Variants in LY96 observed in about 807,000 individuals in gnomAD.
LY96 encodes the protein myeloid differentiation protein-2.
A neutral mutation model predicts 18.9 loss-of-function variants in LY96; 18 were observed. That is an observed-to-expected ratio of 0.95 (90% CI 0.66 to 1.41). The LOEUF (loss-of-function observed/expected upper bound fraction) is 1.41. LY96 is among the 40% of genes most tolerant of loss of function. LY96 has a pLI of 0.00. For missense variants in LY96, 175 were observed against 182.4 expected, an observed-to-expected ratio of 0.96 and a Z score of 0.23; for synonymous variants, 66 against 62.6, an observed-to-expected ratio of 1.06 and a Z score of -0.26.
chr8:74,080,978 T>TTCTCTC, the LY96 span, among the ~76,000 whole-genome samples: 1 of 141,224 alleles, frequency 7.1e-6, no homozygotes, highest in Non-Finnish European at 1.5e-5. Context: ...CTTTCTTTCT[T>TTCTCTC]TCTCTCTCTT....
At chr8:74,037,696 T>C in the LY96 span, among the ~76,000 whole-genome samples, 1 of 152,182 alleles carries the variant, frequency 6.6e-6, no homozygotes, top group African/African-American at 2.4e-5. Flanking sequence ...GCAGATACTG[T>C]GGAGTCATTC....
intron 1 of LY96, among the ~76,000 whole-genome samples, chr8:73,999,161 G>A (rs1038021723): frequency 6.6e-6 from 1 of 151,864 alleles, no homozygotes; most frequent in African/African-American, 2.4e-5. Context: ...GTAGAGATAG[G>A]GTTTCACCAT....
intron 3 of LY96, 47 bp downstream of exon 3, chr8:74,010,176 A>C (rs1417958438): frequency 1.8e-5 from 27 of 1,535,042 alleles, no homozygotes; most frequent in Non-Finnish European, 2.4e-5. Flanking sequence ...ATAATTCTTT[A>C]TGAAAATGTT....
At chr8:74,020,834 T>A (rs1023510647) in intron 3 of LY96, among the ~76,000 whole-genome samples, 10 of 152,184 alleles carry the variant, frequency 6.6e-5, no homozygotes, top group African/African-American at 2.4e-4. Flanking sequence ...ATTCCCTATT[T>A]AATAAATGGT....
the LY96 span, among the ~76,000 whole-genome samples, chr8:74,046,683 G>T: frequency 8.7e-4 from 133 of 152,208 alleles, no homozygotes; most frequent in African/African-American, 3.0e-3. Context: ...AACAAAGACT[G>T]AGAAGGCTAT....
the LY96 span, among the ~76,000 whole-genome samples, chr8:74,070,651 T>C: frequency 6.6e-6 from 1 of 152,182 alleles, no homozygotes; most frequent in Non-Finnish European, 1.5e-5. Context: ...TTCCTTGTTT[T>C]TGAGCGTTAC....
At chr8:74,084,276 ATG>A in the LY96 span, among the ~76,000 whole-genome samples, 34 of 152,156 alleles carry the variant, frequency 2.2e-4, no homozygotes, top group Admixed American at 2.2e-3. Context: ...CTCTCCTTCT[ATG>A]ATGTGAGCAG....
the LY96 span, among the ~76,000 whole-genome samples, chr8:74,049,744 A>G: frequency 2.6e-5 from 4 of 152,200 alleles, no homozygotes; most frequent in Admixed American, 2.6e-4. Flanking sequence ...AAATGTTATA[A>G]TCTCTGTTTA....
At chr8:74,094,749 A>T in the LY96 span, among the ~76,000 whole-genome samples, 2 of 152,222 alleles carry the variant, frequency 1.3e-5, no homozygotes, top group Non-Finnish European at 2.9e-5. Flanking sequence ...TTAACTAGGG[A>T]AAAAAGCAAT....
chr8:74,068,440 C>T, the LY96 span, among the ~76,000 whole-genome samples: 1 of 152,176 alleles, frequency 6.6e-6, no homozygotes. Flanking sequence ...TACTCATGTA[C>T]ATATCTTTGT....
downstream of LY96, among the ~76,000 whole-genome samples, chr8:74,033,501 C>T (rs1482493707): frequency 6.6e-6 from 1 of 152,178 alleles, no homozygotes; most frequent in African/African-American, 2.4e-5. Context: ...GGGTCTTGCT[C>T]CCTGACGAAT....
chr8:74,077,070 C>T, the LY96 span, among the ~76,000 whole-genome samples: 1 of 152,190 alleles, frequency 6.6e-6, no homozygotes, highest in Non-Finnish European at 1.5e-5. Flanking sequence ...AAAGGACACA[C>T]CTCTAGAAAA....
intron 3 of LY96, among the ~76,000 whole-genome samples, chr8:74,021,121 G>A (rs1380226472): frequency 6.6e-6 from 1 of 152,176 alleles, no homozygotes; most frequent in East Asian, 1.9e-4. Flanking sequence ...ACTGTCATCA[G>A]ATTGAACAGG....
chr8:74,091,083 A>G, the LY96 span, among the ~76,000 whole-genome samples: 1 of 141,242 alleles, frequency 7.1e-6, no homozygotes, highest in Non-Finnish European at 1.6e-5. Context: ...TTGAATGTGT[A>G]GGTGGGTGGA....
chr8:73,999,132 G>A lies in LY96; in HGVS notation c.113-5664G>A, dbSNP rs557098874. Among the ~76,000 whole-genome samples the A allele has an allele frequency of 1.1e-3, 160 of 151,780 alleles. 1 individual carries two copies. Among genetic ancestry groups the A allele is most frequent in the African/African-American group, 3.3e-3 (138 of 41,396 alleles). The stretch of plus-strand genomic sequence containing the variant: ...ACGACAGGCACCCGCCACCACACCC[G>A]GCTAATTTTTTATTTTTAGTAGAGA... On this transcript the variant is annotated intron_variant, in intron 1 of 4. Coordinates refer to ENST00000284818, the MANE Select transcript of LY96 (RefSeq NM_015364.5).
chr8:74,090,976 T>C, the LY96 span, among the ~76,000 whole-genome samples: 1 of 152,244 alleles, frequency 6.6e-6, no homozygotes, highest in African/African-American at 2.4e-5. Flanking sequence ...TCATTCTCCA[T>C]GTGATTCTGG....
At chr8:74,062,242 T>C in the LY96 span, among the ~76,000 whole-genome samples, 1 of 152,160 alleles carries the variant, frequency 6.6e-6, no homozygotes, top group Admixed American at 6.6e-5. Context: ...TTCCTGCTAA[T>C]TTTTATTTTT....
At chr8:74,043,673 A>G in the LY96 span, among the ~76,000 whole-genome samples, 3 of 152,216 alleles carry the variant, frequency 2.0e-5, no homozygotes, top group South Asian at 6.2e-4. Context: ...AAATATAAAC[A>G]ATACTATGAA....
chr8:73,996,372 C>CCTTCCTTCCTTCATTTCTTTCTTT lies in LY96; in HGVS notation c.112+4821_112+4822insCCTTCCTTCATTTCTTTCTTTCTT, dbSNP rs1816135382. 1.3e-4 allele frequency among the ~76,000 whole-genome samples: 14 copies of CCTTCCTTCCTTCATTTCTTTCTTT among 110,910 alleles called. 1 individual carries two copies. The highest frequency in any genetic ancestry group is 9.5e-4 in the East Asian group (3 of 3,168). 72.8% of individuals were successfully genotyped at this position (110,910 alleles called of 152,430 possible). A position where few individuals can be genotyped will look rare whatever the true frequency, so the allele number is the denominator to read the frequency against. On this transcript the variant is annotated intron_variant, in intron 1 of 4. Transcript: ENST00000284818. Reference sequence around the variant, plus strand: ...TCCTTCCTTCCTTCCTTCCTTCATTCCTTTCTTTCTTTCTTTCTTTCTTTC... The same window carrying CCTTCCTTCCTTCATTTCTTTCTTT: ...TCCTTCCTTCCTTCCTTCCTTCATTCCTTCCTTCCTTCATTTCTTTCTTTCTTTCTTTCTTTCTTTCTTTCTTTC...
Sources: allele counts gnomAD v4.1 joint callset (sites outside exome capture counted in the v4.1 genomes callset), GRCh38; gene constraint gnomAD v4.1.1; transcripts MANE v1.5; gene names NCBI Gene and HGNC (gene_info 2026-07-23, HGNC 2026-07-21).